The following DAPK1 variants were observed in gnomAD, a reference collection of about 807,000 sequenced individuals.
DAPK1 encodes the protein death-associated protein kinase 1.
In DAPK1, 56 loss-of-function variants were observed where a neutral mutation model predicts 144.9. That is an observed-to-expected ratio of 0.39 (90% CI 0.31 to 0.48). DAPK1 has a LOEUF of 0.48. Ranked by LOEUF, DAPK1 falls within the 20% of genes least tolerant of loss-of-function variation. The probability of loss-of-function intolerance (pLI) is 0.95; values close to 1 mark genes in which losing one functional copy is unlikely to be tolerated. For missense variants in DAPK1, 1,454 were observed against 1,875.4 expected (o/e 0.78, Z 4.15); for synonymous variants, 690 against 749.0 (o/e 0.92, Z 1.29).
At chr9:87,655,001 G>C (rs563478777) in intron 17 of DAPK1, among the ~76,000 whole-genome samples, 2 of 152,292 alleles carry the variant, frequency 1.3e-5, no homozygotes, top group South Asian at 4.1e-4. Flanking sequence ...CATTTTTCAG[G>C]CTGCAAATAT....
In DAPK1 at chr9:87,678,688, TC is replaced by T. The variant is rs111962913; in HGVS notation, c.2002-2712del. Reference sequence around the variant, plus strand: ...GCTCAGATGATTGTAAACAGGCTTTTCCCCTATATAAATGCTCATCAGATGC... The same window carrying T: ...GCTCAGATGATTGTAAACAGGCTTTTCCCTATATAAATGCTCATCAGATGC... On this transcript the variant is annotated intron_variant, in intron 19 of 25. Transcript: ENST00000408954. 7.2e-3 allele frequency among the ~76,000 whole-genome samples: 1,103 copies of T among 152,308 alleles called. 10 individuals are homozygous for T. The highest frequency in any genetic ancestry group is 0.036 in the South Asian group (174 of 4,830).
intron 16 of DAPK1, 132 bp downstream of exon 16, chr9:87,650,250 TC>T (rs760379076): frequency 3.3e-5 from 27 of 815,726 alleles, no homozygotes; most frequent in Non-Finnish European, 4.7e-5. Context: ...CCGTCTCTTC[TC>T]TGTTCCAAAG....
intron 19 of DAPK1, among the ~76,000 whole-genome samples, chr9:87,673,873 G>T (rs547129590): frequency 1.3e-5 from 2 of 152,078 alleles, no homozygotes; most frequent in African/African-American, 2.4e-5. Context: ...GAGAGCCCGC[G>T]CTTGGCTGTA....
chr9:87,665,108 C>T (rs1471984205), intron 18 of DAPK1, among the ~76,000 whole-genome samples: 3 of 149,922 alleles, frequency 2.0e-5, no homozygotes, highest in Admixed American at 1.3e-4. Context: ...CCCTCCCCCA[C>T]CCCCAGGACT....
rs918503683 is a variant in DAPK1 at position 87,707,184 on chromosome 9, C to T, written c.4113C>T (p.Ser1371=). The T allele has an allele frequency of 6.2e-7, 1 of 1,614,122 alleles. No individual in the cohort carries two copies. The highest frequency in any genetic ancestry group is 8.5e-7 in the Non-Finnish European group (1 of 1,179,992). ...GGGAATGGACCACCTACCCTGAGAGCACAGTGGGCACCCTCATGTCCAAAC... is the reference window on the plus strand; with the variant it reads ...GGGAATGGACCACCTACCCTGAGAGTACAGTGGGCACCCTCATGTCCAAAC... ...LLREWTTYPE[S]TVGTLMSKLR... The change falls in exon 26 of 26, where the codon AGC becomes AGT. Residue 1371 remains serine, a synonymous_variant. Coordinates refer to ENST00000408954, the MANE Select transcript of DAPK1 (RefSeq NM_004938.4). The surrounding 1 kb of genome is among the most constrained non-coding windows in gnomAD (Gnocchi z 4.0).
chr9:87,523,163 G>A (rs1054989982), intron 2 of DAPK1, among the ~76,000 whole-genome samples: 2 of 152,106 alleles, frequency 1.3e-5, no homozygotes, highest in Non-Finnish European at 2.9e-5. Flanking sequence ...CATTGGTTGT[G>A]CAGCCATCAC....
intron 22 of DAPK1, 168 bp from the exon 23 acceptor site, chr9:87,698,488 T>C: frequency 1.6e-6 from 1 of 610,900 alleles, no homozygotes; most frequent in South Asian, 2.0e-5. Flanking sequence ...TGGGGCCTTC[T>C]AGGGTCACAG....
At chr9:87,576,004 A>G (rs1827541786) in intron 2 of DAPK1, among the ~76,000 whole-genome samples, 1 of 152,216 alleles carries the variant, frequency 6.6e-6, no homozygotes, top group South Asian at 2.1e-4. Context: ...CTGAAACCCA[A>G]GAAAATGCCT....
At chr9:87,534,350 A>C (rs980721529) in intron 2 of DAPK1, among the ~76,000 whole-genome samples, 1 of 151,212 alleles carries the variant, frequency 6.6e-6, no homozygotes, top group Non-Finnish European at 1.5e-5. Context: ...CATTGCTCTC[A>C]AGGGCAGGGG....
chr9:87,498,118 A>G lies in DAPK1; in HGVS notation c.-109+11A>G. 2.5e-6 allele frequency: 1 copy of G among 396,550 alleles called. No individual in the cohort carries two copies. The highest frequency in any genetic ancestry group is 4.4e-6 in the Non-Finnish European group (1 of 225,118). The allele number at this position is 396,550 out of a possible 1,614,324, so 24.6% of individuals were successfully genotyped here. The stretch of plus-strand genomic sequence containing the variant: ...CTCCCAGGCGCCCGGGTGAGTAGCC[A>G]GGCGCGGCTCCCCGGTCCCCCCGAC... On this transcript the variant is annotated intron_variant, in intron 1 of 25. Coordinates refer to ENST00000408954, the MANE Select transcript of DAPK1 (RefSeq NM_004938.4).
intron 2 of DAPK1, among the ~76,000 whole-genome samples, chr9:87,522,820 T>C (rs1186852525): frequency 1.3e-5 from 2 of 152,246 alleles, no homozygotes. Flanking sequence ...TTGATAAGTG[T>C]AGTTTCATCA....
intron 18 of DAPK1, among the ~76,000 whole-genome samples, chr9:87,668,206 A>T (rs141684982): frequency 6.6e-6 from 1 of 152,364 alleles, no homozygotes. Context: ...ATAACACAGT[A>T]GCTTGCACTA....
At position 87,516,329 on chromosome 9, in the gene DAPK1, G is replaced by T. The variant is rs146241007; in HGVS notation, c.62+17190G>T. ...CATAGCTGTGGTCTAGGCCATATCG[G>T]GTTCTCCCAGCGGGCCCGTTCTCCC... On this transcript the variant is annotated intron_variant, in intron 2 of 25. Transcript: ENST00000408954. 2.1e-3 allele frequency among the ~76,000 whole-genome samples: 319 copies of T among 152,248 alleles called. 3 individuals are homozygous for T. The highest frequency in any genetic ancestry group is 3.4e-3 in the Middle Eastern group (1 of 294).
upstream of DAPK1, chr9:87,497,675 C>G (rs528598723): frequency 5.4e-6 from 1 of 186,696 alleles, no homozygotes; most frequent in Non-Finnish European, 1.1e-5. Context: ...GCGGGGTGTG[C>G]GCGGTAGAGC....
chr9:87,631,927 C>T, intron 3 of DAPK1: 1 of 337,432 alleles, frequency 3.0e-6, no homozygotes, highest in Non-Finnish European at 4.2e-6. Flanking sequence ...GAGTTCATGG[C>T]AAAAACATCT....
intron 2 of DAPK1, among the ~76,000 whole-genome samples, chr9:87,540,726 G>A (rs1826020977): frequency 6.6e-6 from 1 of 152,182 alleles, no homozygotes; most frequent in Non-Finnish European, 1.5e-5. Flanking sequence ...AGGCTTATCA[G>A]TGTGACCACA....
intron 2 of DAPK1, among the ~76,000 whole-genome samples, chr9:87,597,406 TG>T (rs1225476987): frequency 6.6e-6 from 1 of 151,930 alleles, no homozygotes; most frequent in Non-Finnish European, 1.5e-5. Flanking sequence ...TGAGTTCCAA[TG>T]GGGGGGAAAA....
rs368364961 is a variant in DAPK1, at chr9:87,707,015, G to T, written c.3944G>T (p.Arg1315Leu). The T allele has an allele frequency of 6.2e-7, 1 of 1,613,338 alleles. No individual in the cohort carries two copies. The highest frequency in any genetic ancestry group is 8.5e-7 in the Non-Finnish European group (1 of 1,179,928). ...LNLLTRRKLS[R>L]LLDPPDPLGK... ...CTCCTCACTCGGAGGAAACTGAGTC[G>T]CCTGCTGGACCCGCCCGACCCCCTG... is the stretch of plus-strand genomic sequence containing the variant. The change falls in exon 26 of 26, where the codon CGC becomes CTC. Residue 1315 changes from arginine to leucine, a missense_variant. Coordinates refer to ENST00000408954, the MANE Select transcript of DAPK1 (RefSeq NM_004938.4). The surrounding 1 kb of genome is among the most constrained non-coding windows in gnomAD (Gnocchi z 4.0).
chr9:87,500,538 G>A (rs1002786249), intron 2 of DAPK1, among the ~76,000 whole-genome samples: 3 of 152,128 alleles, frequency 2.0e-5, no homozygotes, highest in Admixed American at 6.5e-5. Context: ...TGGCCTGATC[G>A]TTTAAGTGTT....
Sources: gnomAD v4.1 joint callset for allele counts (sites outside exome capture counted in the v4.1 genomes callset) on GRCh38, gnomAD v4.1.1 for gene constraint, Gnocchi (gnomAD v3.1) non-coding constraint, MANE v1.5 for transcripts, NCBI Gene and HGNC (gene_info 2026-07-23, HGNC 2026-07-21) for gene names.